LRP1B: variants seen among roughly 807,000 people sequenced by gnomAD.
LRP1B encodes the protein low-density lipoprotein receptor-related protein 1B.
LRP1B carries 217 observed loss-of-function variants against 556.6 expected under a neutral mutation model. The ratio of observed to expected loss-of-function variants is 0.39; its 90% CI spans 0.35 to 0.44. The LOEUF is 0.44. Among genes scored for constraint, LRP1B ranks in the 20% least tolerant of loss-of-function variants. The pLI is 1.00. For missense variants in LRP1B, 5,053 were observed against 5,620.8 expected, an observed-to-expected ratio of 0.90 and a Z score of 3.23; for synonymous variants, 2,047 against 1,865.8, an observed-to-expected ratio of 1.10 and a Z score of -2.50.
At chr2:141,667,684 C>A (rs1055560407) in intron 2 of LRP1B, among the ~76,000 whole-genome samples, 2 of 152,176 alleles carry the variant, frequency 1.3e-5, no homozygotes. Flanking sequence ...TCTTTCTATG[C>A]ACAGAAAACT....
At chr2:141,936,849 T>C (rs1348576161) in intron 1 of LRP1B, among the ~76,000 whole-genome samples, 1 of 152,048 alleles carries the variant, frequency 6.6e-6, no homozygotes. Flanking sequence ...TATAGTTACA[T>C]AGCCAACATT....
chr2:141,224,046 A>T (rs1683147101), intron 6 of LRP1B, among the ~76,000 whole-genome samples: 1 of 152,188 alleles, frequency 6.6e-6, no homozygotes, highest in Non-Finnish European at 1.5e-5. Context: ...ATCTAATTAA[A>T]CTAAAGAGCT....
At chr2:140,949,829 A>G (rs1695656456) in intron 20 of LRP1B, among the ~76,000 whole-genome samples, 1 of 151,054 alleles carries the variant, frequency 6.6e-6, no homozygotes, top group Admixed American at 6.6e-5. Flanking sequence ...AGTCCCAGCT[A>G]CTTGGAGGAT....
At chr2:141,360,796 G>T (rs993596263) in intron 3 of LRP1B, among the ~76,000 whole-genome samples, 8 of 152,160 alleles carry the variant, frequency 5.3e-5, no homozygotes, top group Non-Finnish European at 8.8e-5. Context: ...ATATAGGAAG[G>T]AAAGGCTAGG....
chr2:141,540,014 G>T (rs1424234536), intron 2 of LRP1B, among the ~76,000 whole-genome samples: 1 of 152,032 alleles, frequency 6.6e-6, no homozygotes, highest in East Asian at 1.9e-4. Flanking sequence ...GGGAAAATAG[G>T]TGTTTCCAAT....
chr2:141,178,247 G>A lies in LRP1B; in HGVS notation c.1013+10174C>T, dbSNP rs184834127. On this transcript the variant is annotated intron_variant, in intron 7 of 90. Transcript: ENST00000389484. ...GACTAGAAAGAGCCTCCTATTGGAA[G>A]CACAGCTTAAGGAGAACAAAGACAA... Among the ~76,000 whole-genome samples, 543 of 152,198 alleles carry A rather than the reference G, an allele frequency of 3.6e-3. 4 individuals carry two copies. The highest frequency in any genetic ancestry group is 0.013 in the African/African-American group (535 of 41,558).
At chr2:140,682,459 G>A (rs78059855) in intron 41 of LRP1B, among the ~76,000 whole-genome samples, 189 of 152,256 alleles carry the variant, frequency 1.2e-3, no homozygotes, top group African/African-American at 4.2e-3. Context: ...CTGTCCCAAA[G>A]GCATTTGGAA....
intron 2 of LRP1B, among the ~76,000 whole-genome samples, chr2:141,484,703 G>C (rs1683054456): frequency 6.6e-6 from 1 of 152,054 alleles, no homozygotes; most frequent in South Asian, 2.1e-4. Flanking sequence ...GGATTCCTAG[G>C]TATTTTATTC....
chr2:140,890,779 A>C (rs1231736200), intron 23 of LRP1B, among the ~76,000 whole-genome samples: 1 of 152,058 alleles, frequency 6.6e-6, no homozygotes, highest in Non-Finnish European at 1.5e-5. Flanking sequence ...ACCAGTGGGA[A>C]ATCATGAAGA....
At chr2:140,929,091 G>T (rs890220759) in intron 20 of LRP1B, among the ~76,000 whole-genome samples, 1 of 152,016 alleles carries the variant, frequency 6.6e-6, no homozygotes, top group East Asian at 1.9e-4. Flanking sequence ...GTGTGAAAAC[G>T]GATTTTACAA....
chr2:141,909,526 A>ATTTTTTTTTTTTTTTTTTTTTTTTTT (rs377577096), intron 1 of LRP1B, among the ~76,000 whole-genome samples: 1 of 93,396 alleles, frequency 1.1e-5, no homozygotes, highest in African/African-American at 4.7e-5. Context: ...GGTCTCAGAC[A>ATTTTTTTTTTTTTTTTTTTTTTTTTT]TTTTTTTTTT....
intron 77 of LRP1B, among the ~76,000 whole-genome samples, chr2:140,348,535 G>A (rs755187699): frequency 6.6e-6 from 1 of 151,904 alleles, no homozygotes; most frequent in Non-Finnish European, 1.5e-5. Context: ...TCTTCTTTGC[G>A]AATGCTAATA....
chr2:141,125,962 C>T (rs1024924832), intron 7 of LRP1B, among the ~76,000 whole-genome samples: 4 of 151,664 alleles, frequency 2.6e-5, no homozygotes, highest in Non-Finnish European at 4.4e-5. Flanking sequence ...CTTCTGCTTT[C>T]CCTTAAACCT....
At chr2:140,678,782 T>TG (rs199614577) in intron 41 of LRP1B, among the ~76,000 whole-genome samples, 1,528 of 151,508 alleles carry the variant, frequency 0.01, 12 homozygotes, top group Middle Eastern at 0.02. Flanking sequence ...TTTTTTTTTT[T>TG]TTTTGGTTGG....
At chr2:141,820,349 A>C (rs192391883) in intron 1 of LRP1B, among the ~76,000 whole-genome samples, 7 of 152,342 alleles carry the variant, frequency 4.6e-5, no homozygotes, top group Non-Finnish European at 1.5e-5. Context: ...GATTATGTAC[A>C]TTTTAGGGGC....
intron 1 of LRP1B, among the ~76,000 whole-genome samples, chr2:141,834,032 C>G (rs999371677): frequency 6.6e-6 from 1 of 151,728 alleles, no homozygotes; most frequent in African/African-American, 2.4e-5. Context: ...TAGAGAAAAA[C>G]TGAGCAATCT....
intron 1 of LRP1B, among the ~76,000 whole-genome samples, chr2:141,835,298 C>A (rs1340079329): frequency 6.6e-6 from 1 of 151,884 alleles, no homozygotes; most frequent in Admixed American, 6.6e-5. Context: ...GTCAGCCAGG[C>A]AGTAAACACA....
chr2:140,746,645 G>A (rs1214418744), intron 35 of LRP1B, among the ~76,000 whole-genome samples: 1 of 152,168 alleles, frequency 6.6e-6, no homozygotes, highest in South Asian at 2.1e-4. Flanking sequence ...ATGCACGCAG[G>A]AGAGCCATGT....
chr2:141,285,529 C>T (rs1685681452), intron 3 of LRP1B, among the ~76,000 whole-genome samples: 1 of 137,572 alleles, frequency 7.3e-6, no homozygotes, highest in Admixed American at 7.5e-5. Flanking sequence ...GGCATCAGCT[C>T]ACTGCAACCT....
Sources: gnomAD v4.1 joint callset for allele counts (sites outside exome capture counted in the v4.1 genomes callset) on GRCh38, gnomAD v4.1.1 for gene constraint, MANE v1.5 for transcripts, NCBI Gene and HGNC (gene_info 2026-07-23, HGNC 2026-07-21) for gene names.